Variants in ADAMTSL1 observed in about 807,000 individuals in gnomAD.
ADAMTSL1 encodes ADAMTS like 1.
Under a neutral mutation model 201.8 loss-of-function variants are expected in ADAMTSL1, and 126 were observed. The ratio of observed to expected loss-of-function variants is 0.62; its 90% CI spans 0.54 to 0.72. The LOEUF is 0.72. ADAMTSL1 is among the 30% of genes least tolerant of loss of function. ADAMTSL1 has a pLI of 0.00. For synonymous variants in ADAMTSL1, 1,121 were observed against 903.4 expected, an observed-to-expected ratio of 1.24 and a Z score of -4.32; for missense variants, 2,679 against 2,277.8, an observed-to-expected ratio of 1.18 and a Z score of -3.59.
At chr9:18,245,988 T>G (rs1234831634) in intron 2 of ADAMTSL1, among the ~76,000 whole-genome samples, 1 of 152,154 alleles carries the variant, frequency 6.6e-6, no homozygotes, top group African/African-American at 2.4e-5. Context: ...GCAAAAAGAA[T>G]GGCGAATTGT....
intron 2 of ADAMTSL1, among the ~76,000 whole-genome samples, chr9:18,341,687 A>C (rs1405660488): frequency 2.0e-5 from 3 of 152,180 alleles, no homozygotes; most frequent in Admixed American, 6.6e-5. Context: ...TTAGAAATTA[A>C]GTCAGTAAAA....
At position 18,906,815 on chromosome 9, in the gene ADAMTSL1, G is replaced by A; in HGVS notation, c.5085G>A (p.Val1695=). The A allele has an allele frequency of 1.9e-6, 3 of 1,614,022 alleles. No individual in the cohort carries two copies. The highest frequency in any genetic ancestry group is 2.5e-6 in the Non-Finnish European group (3 of 1,179,886). ...YGFQSRRVEC[V]HARTNKAVPE... ...TCCAGTCCCGGCGTGTGGAGTGTGT[G>A]CATGCCCGCACCAACAAGGCAGTGC... The change falls in exon 28 of 29, where the codon GTG becomes GTA. Residue 1695 remains valine, a synonymous_variant. Transcript: ENST00000380548.
rs556546837 is a variant in ADAMTSL1, at chr9:18,385,942, T to C, written c.208-118887T>C. On this transcript the variant is annotated intron_variant, in intron 2 of 29. Transcript: ENST00000680146. ...GTTTCTCAAGTAGGTTTCTCCCCAC[T>C]TGCACCTTCTCTATTCCAAGCTCAG... Among the ~76,000 whole-genome samples the C allele has an allele frequency of 2.9e-4, 44 of 152,302 alleles. No homozygotes were observed. The South Asian group carries it at 8.7e-3, about 30-fold the overall frequency.
At chr9:18,188,851 C>A (rs1057301822) in intron 2 of ADAMTSL1, among the ~76,000 whole-genome samples, 1 of 152,144 alleles carries the variant, frequency 6.6e-6, no homozygotes, top group East Asian at 1.9e-4. Context: ...ATGGGCCAGG[C>A]AGCATTAAGG....
intron 2 of ADAMTSL1, among the ~76,000 whole-genome samples, chr9:18,189,961 T>G (rs991950222): frequency 1.6e-4 from 25 of 152,202 alleles, no homozygotes; most frequent in Non-Finnish European, 2.9e-4. Context: ...CCTGTTAAAC[T>G]GGCTGCTTTT....
chr9:18,714,274 A>G (rs1422244216), intron 14 of ADAMTSL1, among the ~76,000 whole-genome samples: 4 of 151,182 alleles, frequency 2.6e-5, no homozygotes, highest in Admixed American at 6.6e-5. Flanking sequence ...GGAAATAGAG[A>G]CACAAAAAAC....
chr9:18,385,115 T>G (rs1416795228), intron 2 of ADAMTSL1, among the ~76,000 whole-genome samples: 2 of 152,062 alleles, frequency 1.3e-5, no homozygotes, highest in Non-Finnish European at 2.9e-5. Flanking sequence ...CAAGCAAAAT[T>G]TGGATGGGCA....
At chr9:18,314,501 T>C (rs892075241) in intron 2 of ADAMTSL1, among the ~76,000 whole-genome samples, 2 of 151,872 alleles carry the variant, frequency 1.3e-5, no homozygotes, top group African/African-American at 4.8e-5. Flanking sequence ...AGGCGGTGTG[T>C]CTGGAGTTGT....
intron 2 of ADAMTSL1, among the ~76,000 whole-genome samples, chr9:18,251,385 T>C (rs764304112): frequency 6.6e-6 from 1 of 152,216 alleles, no homozygotes; most frequent in Non-Finnish European, 1.5e-5. Context: ...AGAAGCATTT[T>C]GATGTTTCCG....
At chr9:18,821,683 A>C (rs1440842932) in intron 21 of ADAMTSL1, among the ~76,000 whole-genome samples, 1 of 152,174 alleles carries the variant, frequency 6.6e-6, no homozygotes, top group Admixed American at 6.5e-5. Flanking sequence ...ATAATTGACA[A>C]GACTGACAGT....
intron 1 of ADAMTSL1, among the ~76,000 whole-genome samples, chr9:18,006,226 C>T (rs1361107291): frequency 6.6e-6 from 1 of 152,006 alleles, no homozygotes; most frequent in Non-Finnish European, 1.5e-5. Context: ...TAATATTTTA[C>T]ACTAGAGGTT....
intron 1 of ADAMTSL1, among the ~76,000 whole-genome samples, chr9:18,099,355 A>ATTTTTT (rs397893715): frequency 8.8e-5 from 4 of 45,558 alleles, no homozygotes; most frequent in African/African-American, 3.2e-4. Context: ...ATATATATAT[A>ATTTTTT]TTTTTTTTTT....
intron 23 of ADAMTSL1, among the ~76,000 whole-genome samples, chr9:18,886,570 G>T (rs1828915182): frequency 6.6e-6 from 1 of 152,190 alleles, no homozygotes; most frequent in Non-Finnish European, 1.5e-5. Context: ...GCAAGTCCCA[G>T]ATCAGTGCAG....
At chr9:18,543,686 T>G (rs1249439519) in intron 3 of ADAMTSL1, among the ~76,000 whole-genome samples, 1 of 152,230 alleles carries the variant, frequency 6.6e-6, no homozygotes, top group Non-Finnish European at 1.5e-5. Context: ...TTTTATCATT[T>G]GTGGCATAAA....
chr9:18,105,745 A>G (rs1352567517), intron 1 of ADAMTSL1, among the ~76,000 whole-genome samples: 1 of 152,250 alleles, frequency 6.6e-6, no homozygotes, highest in Non-Finnish European at 1.5e-5. Context: ...ATGTATACAT[A>G]GACATACTTC....
In ADAMTSL1 at chr9:18,641,527, G is replaced by A. The variant is rs1016890991; in HGVS notation, c.834+2116G>A. On this transcript the variant is annotated intron_variant, in intron 7 of 28. Transcript: ENST00000380548. The stretch of plus-strand genomic sequence containing the variant: ...CATCTCTTTACTTCTGGTCCAGAAC[G>A]CTTTTAATATTTTGTGTTGCTTCTA... Among the ~76,000 whole-genome samples, 3 of 151,938 alleles carry A rather than the reference G, an allele frequency of 2.0e-5. No individual in the cohort carries two copies. The South Asian group carries it at 6.2e-4, about 32-fold the overall frequency.
intron 26 of ADAMTSL1, among the ~76,000 whole-genome samples, chr9:18,895,641 A>AGAAG (rs1193609798): frequency 2.2e-5 from 3 of 135,034 alleles, no homozygotes; most frequent in Non-Finnish European, 4.7e-5. Flanking sequence ...ATGTATATGG[A>AGAAG]GAAGGCCCAT....
At chr9:18,052,012 T>C (rs2131669607) in intron 1 of ADAMTSL1, among the ~76,000 whole-genome samples, 1 of 152,344 alleles carries the variant, frequency 6.6e-6, no homozygotes, top group South Asian at 2.1e-4. Flanking sequence ...GACACTTTGT[T>C]ACAAACATCT....
chr9:18,686,631 C>G (rs529087061), intron 13 of ADAMTSL1, among the ~76,000 whole-genome samples: 1 of 152,206 alleles, frequency 6.6e-6, no homozygotes, highest in African/African-American at 2.4e-5. Context: ...CCTAAATAAA[C>G]TCTTTTCCCC....
Sources: allele counts gnomAD v4.1 joint callset (sites outside exome capture counted in the v4.1 genomes callset), GRCh38; gene constraint gnomAD v4.1.1; transcripts MANE v1.5; gene names NCBI Gene and HGNC (gene_info 2026-07-23, HGNC 2026-07-21).